Variants in ANKS1B observed in about 807,000 individuals in gnomAD.
ANKS1B encodes the protein ankyrin repeat and sterile alpha motif domain containing 1B.
In ANKS1B, 36 loss-of-function variants were observed where a neutral mutation model predicts 148.3. The observed-to-expected ratio is 0.24, with a 90% confidence interval of 0.19 to 0.32. The LOEUF is 0.32. Ranked by LOEUF, ANKS1B falls within the 10% of genes least tolerant of loss-of-function variation. ANKS1B has a pLI of 1.00. For synonymous variants in ANKS1B, 542 were observed against 560.8 expected (o/e 0.97, Z 0.47); for missense variants, 1,157 against 1,542.6 (o/e 0.75, Z 4.19).
chr12:99,450,781 G>A (rs2095718704), intron 10 of ANKS1B, among the ~76,000 whole-genome samples: 1 of 152,136 alleles, frequency 6.6e-6, no homozygotes, highest in Non-Finnish European at 1.5e-5. Context: ...ATGAAGTAAA[G>A]TAGATAAAGC....
downstream of ANKS1B, among the ~76,000 whole-genome samples, chr12:98,741,014 A>C (rs1174576511): frequency 6.6e-6 from 1 of 152,170 alleles, no homozygotes; most frequent in Admixed American, 6.5e-5. Context: ...GGATCTTGAG[A>C]TTTCAATGAT....
In ANKS1B at chr12:99,979,789, G is replaced by T. The variant is rs188164130; in HGVS notation, c.134+4315C>A. On this transcript the variant is annotated intron_variant, in intron 1 of 26. Coordinates refer to ENST00000683438, the MANE Select transcript of ANKS1B (RefSeq NM_001352186.2). ...AAAATACCTCACAATATTCTCACAGGAACAATGGAGAGAAATAGCTGATTG... is the reference window on the plus strand; with the variant it reads ...AAAATACCTCACAATATTCTCACAGTAACAATGGAGAGAAATAGCTGATTG... Among the ~76,000 whole-genome samples the T allele has an allele frequency of 4.3e-3, 652 of 152,160 alleles. 5 individuals are homozygous for T. Among genetic ancestry groups the T allele is most frequent in the Admixed American group, 7.1e-3 (109 of 15,282 alleles).
chr12:99,535,500 A>C (rs1008666291), intron 9 of ANKS1B, among the ~76,000 whole-genome samples: 1 of 152,220 alleles, frequency 6.6e-6, no homozygotes, highest in Non-Finnish European at 1.5e-5. Context: ...TTCCTAGCCC[A>C]AAAACTCAAA....
At chr12:98,789,990 C>T (rs915889228) in intron 22 of ANKS1B, among the ~76,000 whole-genome samples, 4 of 152,142 alleles carry the variant, frequency 2.6e-5, no homozygotes, top group African/African-American at 7.2e-5. Flanking sequence ...GAATTTACCA[C>T]TTCTAGGTGG....
At chr12:99,279,588 G>C (rs1054508170) in intron 12 of ANKS1B, among the ~76,000 whole-genome samples, 1 of 152,172 alleles carries the variant, frequency 6.6e-6, no homozygotes, top group Admixed American at 6.5e-5. Context: ...GGGGGAGGTT[G>C]TAGAAGCTTT....
rs568190732 is a variant in ANKS1B, at chr12:98,824,908, G to A, written c.3066+4266C>T. On this transcript the variant is annotated intron_variant, in intron 19 of 26. Coordinates refer to ENST00000683438, the MANE Select transcript of ANKS1B (RefSeq NM_001352186.2). Reference sequence around the variant, plus strand: ...TTCAATCAGTTTCCACTAAACTACTGTGATTTTCTCTTCTGCTTGCTGTGC... The same window carrying A: ...TTCAATCAGTTTCCACTAAACTACTATGATTTTCTCTTCTGCTTGCTGTGC... 2.0e-5 allele frequency among the ~76,000 whole-genome samples: 3 copies of A among 152,028 alleles called. No homozygotes were observed. The East Asian group carries it at 5.8e-4, about 29-fold the overall frequency.
Position 99,403,907 on chromosome 12 carries a change from A to G in ANKS1B, c.1576-4096T>C, listed in dbSNP as rs942621427. Among the ~76,000 whole-genome samples, 3 of 146,514 alleles carry G rather than the reference A, an allele frequency of 2.0e-5. 1 individual carries two copies. The highest frequency in any genetic ancestry group is 4.5e-5 in the Non-Finnish European group (3 of 66,312). ...ACTGCAGCACTATTCACAACGGCAA[A>G]GACATGGAATCAATCTAAATGCCCA... On this transcript the variant is annotated intron_variant, in intron 11 of 26. Transcript: ENST00000683438.
rs1166158783 is a variant in ANKS1B, at chr12:98,953,537, G to GTTTTTTTTTTTTTTTTTTTTTTTT, written c.2778+99596_2778+99619dup. 3.3e-4 allele frequency among the ~76,000 whole-genome samples: 19 copies of GTTTTTTTTTTTTTTTTTTTTTTTT among 57,456 alleles called. 3 individuals carry two copies. Among genetic ancestry groups the GTTTTTTTTTTTTTTTTTTTTTTTT allele is most frequent in the African/African-American group, 1.3e-3 (17 of 13,570 alleles). 37.7% of individuals were successfully genotyped at this position (57,456 alleles called of 152,430 possible). ...CATGTCCATTTGAGAATCTAGAGTG[G>GTTTTTTTTTTTTTTTTTTTTTTTT]TTTTTTTTTTTTTTTTTTTTTTTTT... On this transcript the variant is annotated intron_variant, in intron 17 of 26. Transcript: ENST00000683438.
chr12:99,966,687 A>G (rs1475033526), intron 1 of ANKS1B, among the ~76,000 whole-genome samples: 1 of 152,222 alleles, frequency 6.6e-6, no homozygotes, highest in Non-Finnish European at 1.5e-5. Flanking sequence ...ACCATACTAA[A>G]TGCATAGTGT....
intron 1 of ANKS1B, among the ~76,000 whole-genome samples, chr12:99,970,947 T>C (rs1054561407): frequency 3.3e-5 from 5 of 152,202 alleles, no homozygotes; most frequent in African/African-American, 7.2e-5. Flanking sequence ...TGCAAGTACA[T>C]GGGGTAGGTA....
In ANKS1B at chr12:98,791,748, T is replaced by C. The variant is rs145669998; in HGVS notation, c.3342+7186A>G. On this transcript the variant is annotated intron_variant, in intron 22 of 26. Transcript: ENST00000683438. ...CAACAGAGACTTTTAAAAAAATAGT[T>C]GTTTAAAAGTTTTTTTTCCCAGTCT... 5.9e-5 allele frequency among the ~76,000 whole-genome samples: 9 copies of C among 152,322 alleles called. 2 individuals are homozygous for C. The highest frequency in any genetic ancestry group is 2.2e-4 in the African/African-American group (9 of 41,570).
intron 14 of ANKS1B, among the ~76,000 whole-genome samples, chr12:99,190,096 A>G (rs1040427726): frequency 6.6e-6 from 1 of 152,140 alleles, no homozygotes; most frequent in East Asian, 1.9e-4. Context: ...CACAATTGCT[A>G]CAAAGAGAAT....
intron 1 of ANKS1B, among the ~76,000 whole-genome samples, chr12:99,977,858 G>C (rs1404529174): frequency 6.6e-6 from 1 of 152,142 alleles, no homozygotes; most frequent in Non-Finnish European, 1.5e-5. Context: ...CATATGATGA[G>C]TAATAAAAAC....
At chr12:99,553,292 C>A (rs576917781) in intron 9 of ANKS1B, among the ~76,000 whole-genome samples, 1 of 152,062 alleles carries the variant, frequency 6.6e-6, no homozygotes, top group South Asian at 2.1e-4. Flanking sequence ...TCATTAAACC[C>A]GGTTGGGGTT....
At chr12:98,905,309 G>T (rs948077499) in intron 17 of ANKS1B, among the ~76,000 whole-genome samples, 1 of 152,194 alleles carries the variant, frequency 6.6e-6, no homozygotes, top group Admixed American at 6.5e-5. Flanking sequence ...TAACAGCTTT[G>T]CTCTGAAACG....
At chr12:99,860,440 G>A (rs1036148273) in intron 1 of ANKS1B, among the ~76,000 whole-genome samples, 1 of 152,182 alleles carries the variant, frequency 6.6e-6, no homozygotes, top group East Asian at 1.9e-4. Context: ...TGGGAGACAG[G>A]AAGAACAGAA....
chr12:99,465,235 C>T (rs1236919524), intron 10 of ANKS1B, among the ~76,000 whole-genome samples: 1 of 152,124 alleles, frequency 6.6e-6, no homozygotes, highest in African/African-American at 2.4e-5. Flanking sequence ...TACAGACAAG[C>T]AAATGCTGAG....
chr12:99,248,195 C>T (rs1183807024), intron 12 of ANKS1B, among the ~76,000 whole-genome samples: 2 of 152,166 alleles, frequency 1.3e-5, no homozygotes, highest in African/African-American at 4.8e-5. Flanking sequence ...TCTTATTAGA[C>T]ATTGGCTCAG....
rs532896193 is a variant in ANKS1B at position 99,040,918 on chromosome 12, G to A, written c.2778+12239C>T. 2.0e-5 allele frequency among the ~76,000 whole-genome samples: 3 copies of A among 152,296 alleles called. No individual in the cohort carries two copies. In the South Asian group the frequency reaches 6.2e-4, roughly 32 times the overall value. On this transcript the variant is annotated intron_variant, in intron 17 of 26. Coordinates refer to ENST00000683438, the MANE Select transcript of ANKS1B (RefSeq NM_001352186.2). The stretch of plus-strand genomic sequence containing the variant: ...CATAGCCAGGATCCAAATCCCCGCA[G>A]TCTAGCTCCGAGTCCCCAGTCTCCT...
Sources: gnomAD v4.1 joint callset for allele counts (sites outside exome capture counted in the v4.1 genomes callset) on GRCh38, gnomAD v4.1.1 for gene constraint, MANE v1.5 for transcripts, NCBI Gene and HGNC (gene_info 2026-07-23, HGNC 2026-07-21) for gene names.